The following UBE2W variants were observed in gnomAD, a reference collection of about 807,000 sequenced individuals.
UBE2W encodes ubiquitin-conjugating enzyme E2 W.
A neutral mutation model predicts 27.2 loss-of-function variants in UBE2W; 18 were observed. The ratio of observed to expected loss-of-function variants is 0.66; its 90% CI spans 0.46 to 0.98. UBE2W has a LOEUF of 0.98. UBE2W is among the 50% of genes least tolerant of loss of function. The pLI is 0.00. For synonymous variants in UBE2W, 53 were observed against 57.2 expected (o/e 0.93, Z 0.33); for missense variants, 90 against 180.2 (o/e 0.50, Z 2.87).
At chr8:73,874,410 C>T (rs1471373068) in intron 1 of UBE2W, among the ~76,000 whole-genome samples, 5 of 151,654 alleles carry the variant, frequency 3.3e-5, no homozygotes, top group Non-Finnish European at 7.4e-5. Context: ...CCAGCCTGGG[C>T]GACAGCGAGA....
At chr8:73,867,533 C>CA (rs1332620058) in intron 1 of UBE2W, among the ~76,000 whole-genome samples, 4 of 150,592 alleles carry the variant, frequency 2.7e-5, no homozygotes, top group Non-Finnish European at 4.4e-5. Context: ...GACTCTGTCT[C>CA]AAAAAAACAA....
chr8:73,828,427 TGA>T (rs1253743310), intron 2 of UBE2W, among the ~76,000 whole-genome samples: 1 of 152,208 alleles, frequency 6.6e-6, no homozygotes, highest in Non-Finnish European at 1.5e-5. Context: ...TGCACTGCCT[TGA>T]CAAACCTTTT....
intron 1 of UBE2W, among the ~76,000 whole-genome samples, chr8:73,867,813 C>G (rs1249466223): frequency 6.6e-6 from 1 of 152,000 alleles, no homozygotes; most frequent in African/African-American, 2.4e-5. Flanking sequence ...ACATCATTAG[C>G]CATTAGTGAA....
At chr8:73,826,136 T>C (rs565221619) in intron 2 of UBE2W, among the ~76,000 whole-genome samples, 2 of 152,324 alleles carry the variant, frequency 1.3e-5, no homozygotes, top group African/African-American at 4.8e-5. Context: ...GACTTTCCTT[T>C]ATCTCTCACT....
At chr8:73,821,520 G>A (rs1156384712) in intron 3 of UBE2W, among the ~76,000 whole-genome samples, 1 of 140,922 alleles carries the variant, frequency 7.1e-6, no homozygotes, top group Non-Finnish European at 1.5e-5. Context: ...GTGTGTGTGT[G>A]GTGGGGGGGT....
chr8:73,802,672 C>G (rs1808695130), intron 5 of UBE2W, among the ~76,000 whole-genome samples: 2 of 151,508 alleles, frequency 1.3e-5, no homozygotes, highest in Non-Finnish European at 2.9e-5. Context: ...GGCGATCACC[C>G]TGAGGTCAGG....
chr8:73,781,632 T>A (rs1013615281), downstream of UBE2W, among the ~76,000 whole-genome samples: 7 of 151,314 alleles, frequency 4.6e-5, no homozygotes, highest in Non-Finnish European at 8.8e-5. Context: ...TTTTTTTTTT[T>A]TTTTTATTTT....
At chr8:73,827,238 A>G (rs1809879796) in intron 2 of UBE2W, among the ~76,000 whole-genome samples, 3 of 151,704 alleles carry the variant, frequency 2.0e-5, no homozygotes, top group African/African-American at 7.3e-5. Context: ...TTTGGTACAG[A>G]GTTTTGCTCT....
chr8:73,837,110 T>C (rs1810340722), intron 1 of UBE2W, among the ~76,000 whole-genome samples: 1 of 152,212 alleles, frequency 6.6e-6, no homozygotes, highest in East Asian at 1.9e-4. Context: ...GCATCATCAT[T>C]TTATGTGTCA....
intron 5 of UBE2W, among the ~76,000 whole-genome samples, chr8:73,803,836 C>T (rs561333533): frequency 8.6e-5 from 13 of 151,254 alleles, no homozygotes; most frequent in South Asian, 4.2e-4. Context: ...GCGCGATCTC[C>T]GCTCACTATG....
chr8:73,788,589 T>A lies in UBE2W; in HGVS notation c.*5513A>T, dbSNP rs902805775. The A allele has an allele frequency of 2.0e-6, 2 of 985,352 alleles. No individual in the cohort carries two copies. The highest frequency in any genetic ancestry group is 3.5e-5 in the African/African-American group (2 of 57,256). The allele number at this position is 985,352 out of a possible 1,614,324, so 61.0% of individuals were successfully genotyped here. A position where few individuals can be genotyped will look rare whatever the true frequency, so the allele number is the denominator to read the frequency against. On this transcript the variant is annotated 3_prime_UTR_variant, in exon 6 of 6. Transcript: ENST00000602593. ...CTGACACAATTTACCAAGTTCCTTA[T>A]GGTAGATTTCAGGCTTTAAATTGTA...
intron 5 of UBE2W, among the ~76,000 whole-genome samples, chr8:73,805,180 G>A (rs1005582741): frequency 2.0e-5 from 3 of 151,344 alleles, no homozygotes; most frequent in South Asian, 2.1e-4. Context: ...AGTGCTGGGC[G>A]TGGTGGCTCA....
chr8:73,835,414 G>A (rs1344947435), intron 1 of UBE2W, among the ~76,000 whole-genome samples: 1 of 152,132 alleles, frequency 6.6e-6, no homozygotes, highest in Non-Finnish European at 1.5e-5. Context: ...AGCAGAAATG[G>A]TGTGTCACTC....
chr8:73,848,271 AAC>A (rs1480173801), intron 1 of UBE2W, among the ~76,000 whole-genome samples: 1 of 152,266 alleles, frequency 6.6e-6, no homozygotes, highest in African/African-American at 2.4e-5. Context: ...AGTGAATTAC[AAC>A]ACAGATCATA....
At chr8:73,848,736 G>A (rs1158511544) in intron 1 of UBE2W, among the ~76,000 whole-genome samples, 3 of 152,166 alleles carry the variant, frequency 2.0e-5, no homozygotes, top group South Asian at 4.1e-4. Flanking sequence ...ACCTTTAGGA[G>A]AGGGAGGAAG....
Position 73,791,837 on chromosome 8 carries a change from AT to A in UBE2W, c.*2264del. The stretch of plus-strand genomic sequence containing the variant: ...ATTTTCCTCTACTTTCCTCTGTGTC[AT>A]TTTAGTTTACTTTATGGTATTTATA... On this transcript the variant is annotated 3_prime_UTR_variant, in exon 6 of 6. Coordinates refer to ENST00000602593, the MANE Select transcript of UBE2W (RefSeq NM_018299.6). 2 of 984,798 alleles carry A rather than the reference AT, an allele frequency of 2.0e-6. No individual in the cohort carries two copies. Among genetic ancestry groups the A allele is most frequent in the Non-Finnish European group, 1.2e-6 (1 of 829,426 alleles). The allele number at this position is 984,798 out of a possible 1,614,324, so 61.0% of individuals were successfully genotyped here. A position where few individuals can be genotyped will look rare whatever the true frequency, so the allele number is the denominator to read the frequency against.
chr8:73,819,908 T>C lies in UBE2W; in HGVS notation c.210+5239A>G, dbSNP rs538887293. On this transcript the variant is annotated intron_variant, in intron 3 of 5. Coordinates refer to ENST00000602593, the MANE Select transcript of UBE2W (RefSeq NM_018299.6). ...ATGAGATTCATCTATTCTAGAAATA[T>C]TTTCCAAATTCTACTCTTGTAACTA... Among the ~76,000 whole-genome samples, 481 of 152,342 alleles carry C rather than the reference T, an allele frequency of 3.2e-3. 1 individual carries two copies. The highest frequency in any genetic ancestry group is 0.011 in the African/African-American group (462 of 41,578).
chr8:73,844,515 C>T (rs1216860329), intron 1 of UBE2W, among the ~76,000 whole-genome samples: 5 of 152,216 alleles, frequency 3.3e-5, no homozygotes, highest in African/African-American at 7.2e-5. Context: ...ACCTCCCAGC[C>T]GTCTGCCTTG....
intron 1 of UBE2W, among the ~76,000 whole-genome samples, chr8:73,850,249 T>C (rs1202252409): frequency 6.6e-6 from 1 of 152,102 alleles, no homozygotes; most frequent in East Asian, 1.9e-4. Flanking sequence ...ATAAGTCCAG[T>C]GTTGGGGAGA....
Sources: allele counts gnomAD v4.1 joint callset (sites outside exome capture counted in the v4.1 genomes callset), GRCh38; gene constraint gnomAD v4.1.1; transcripts MANE v1.5; gene names NCBI Gene and HGNC (gene_info 2026-07-23, HGNC 2026-07-21).